GUCY1A2: variants seen among roughly 807,000 people sequenced by gnomAD.
GUCY1A2 encodes the protein guanylate cyclase soluble subunit alpha-2.
GUCY1A2 carries 27 observed loss-of-function variants against 63.5 expected under a neutral mutation model. The observed-to-expected ratio is 0.43, with a 90% CI of 0.31 to 0.59. The LOEUF is 0.59. Among genes scored for constraint, GUCY1A2 ranks in the 20% least tolerant of loss-of-function variants. The pLI is 0.11. For synonymous variants in GUCY1A2, 364 were observed against 343.5 expected (o/e 1.06, Z -0.66); for missense variants, 768 against 913.3 (o/e 0.84, Z 2.05).
intron 5 of GUCY1A2, among the ~76,000 whole-genome samples, chr11:106,777,352 C>G (rs1864375527): frequency 6.7e-6 from 1 of 149,246 alleles, no homozygotes; most frequent in Admixed American, 6.8e-5. Flanking sequence ...GAGGCTGAGG[C>G]AGGAGAATCG....
intron 1 of GUCY1A2, among the ~76,000 whole-genome samples, chr11:106,989,649 T>C (rs921760555): frequency 2.6e-5 from 4 of 151,970 alleles, no homozygotes; most frequent in Admixed American, 1.3e-4. Flanking sequence ...ATCTTCATCA[T>C]CGAAAAAAAA....
chr11:106,957,930 G>A (rs1861011426), intron 3 of GUCY1A2, among the ~76,000 whole-genome samples: 1 of 136,022 alleles, frequency 7.4e-6, no homozygotes, highest in South Asian at 2.4e-4. Flanking sequence ...GAAATTGATG[G>A]AAATCTAAAA....
chr11:106,699,196 A>G (rs1236789347), intron 7 of GUCY1A2, among the ~76,000 whole-genome samples: 1 of 152,210 alleles, frequency 6.6e-6, no homozygotes, highest in South Asian at 2.1e-4. Context: ...ACCTTCAGAA[A>G]GGATTATTAA....
chr11:106,935,860 ATT>A, intron 4 of GUCY1A2, among the ~76,000 whole-genome samples: 1 of 151,368 alleles, frequency 6.6e-6, no homozygotes, highest in African/African-American at 2.4e-5. Context: ...AAAAAAAAAA[ATT>A]AAAAAAAAAA....
At chr11:106,778,914 G>GTGA (rs1236548644) in intron 5 of GUCY1A2, among the ~76,000 whole-genome samples, 1 of 147,522 alleles carries the variant, frequency 6.8e-6, no homozygotes, top group African/African-American at 2.5e-5. Flanking sequence ...ATATGCGTCA[G>GTGA]TGATGGAGAT....
chr11:106,891,505 G>A (rs1859974136), intron 4 of GUCY1A2, among the ~76,000 whole-genome samples: 2 of 151,982 alleles, frequency 1.3e-5, no homozygotes, highest in Non-Finnish European at 2.9e-5. Context: ...TGTTAAAAAT[G>A]TCTTGCTTTT....
At chr11:106,817,053 C>A (rs965176783) in intron 4 of GUCY1A2, among the ~76,000 whole-genome samples, 25 of 151,988 alleles carry the variant, frequency 1.6e-4, no homozygotes, top group African/African-American at 5.8e-4. Flanking sequence ...TCAGTGTCTT[C>A]CAGAAAATAA....
At chr11:106,956,131 C>G (rs972008459) in intron 3 of GUCY1A2, among the ~76,000 whole-genome samples, 4 of 151,746 alleles carry the variant, frequency 2.6e-5, no homozygotes, top group Non-Finnish European at 4.4e-5. Flanking sequence ...TGTTTTTCAG[C>G]TCCATCAGGT....
At chr11:106,957,679 T>C (rs1400013283) in intron 3 of GUCY1A2, among the ~76,000 whole-genome samples, 1 of 151,576 alleles carries the variant, frequency 6.6e-6, no homozygotes, top group Non-Finnish European at 1.5e-5. Flanking sequence ...CATGCTTAGA[T>C]TTTTTTTCCA....
At position 106,685,537 on chromosome 11, in the gene GUCY1A2, C is replaced by G. The variant is rs980600583; in HGVS notation, c.*2012G>C. Reference sequence around the variant, plus strand: ...ACCAACATTTTATTGATTTAATATACCATAATAAGTTCTAAGTTACTGAAG... The same window carrying G: ...ACCAACATTTTATTGATTTAATATAGCATAATAAGTTCTAAGTTACTGAAG... On this transcript the variant is annotated 3_prime_UTR_variant, in exon 8 of 8. Coordinates refer to ENST00000526355, the MANE Select transcript of GUCY1A2 (RefSeq NM_000855.3). 1.3e-5 allele frequency: 3 copies of G among 226,292 alleles called. No homozygotes were observed. Among genetic ancestry groups the G allele is most frequent in the Non-Finnish European group, 8.8e-6 (1 of 113,780 alleles). The allele number at this position is 226,292 out of a possible 1,614,324, so 14.0% of individuals were successfully genotyped here.
intron 4 of GUCY1A2, among the ~76,000 whole-genome samples, chr11:106,865,909 A>G (rs945371580): frequency 2.4e-4 from 36 of 151,512 alleles, no homozygotes; most frequent in Non-Finnish European, 1.2e-4. Context: ...TAATTATATA[A>G]AAATGCATAT....
At chr11:106,721,655 G>C (rs1276551560) in intron 6 of GUCY1A2, among the ~76,000 whole-genome samples, 1 of 152,174 alleles carries the variant, frequency 6.6e-6, no homozygotes, top group Middle Eastern at 3.2e-3. Flanking sequence ...CTCTCAACTG[G>C]AGAAGTGTCT....
intron 6 of GUCY1A2, among the ~76,000 whole-genome samples, chr11:106,769,940 T>C (rs1864227568): frequency 6.6e-6 from 1 of 152,030 alleles, no homozygotes; most frequent in South Asian, 2.1e-4. Context: ...TCTTAGAAAA[T>C]TAATTAGGTT....
intron 6 of GUCY1A2, among the ~76,000 whole-genome samples, chr11:106,730,314 C>G (rs117448397): frequency 6.6e-6 from 1 of 151,500 alleles, no homozygotes; most frequent in African/African-American, 2.4e-5. Flanking sequence ...GTTGTCCCCT[C>G]TGTATGTACA....
intron 4 of GUCY1A2, among the ~76,000 whole-genome samples, chr11:106,856,512 C>T (rs943073823): frequency 2.0e-5 from 3 of 152,006 alleles, no homozygotes; most frequent in African/African-American, 7.3e-5. Flanking sequence ...TCAGTTCTAT[C>T]TGTTTTTAAG....
At chr11:106,695,812 T>C (rs1372703450) in intron 7 of GUCY1A2, among the ~76,000 whole-genome samples, 1 of 152,214 alleles carries the variant, frequency 6.6e-6, no homozygotes, top group African/African-American at 2.4e-5. Flanking sequence ...ACCAAATGTT[T>C]ATGCGTTTTA....
intron 4 of GUCY1A2, among the ~76,000 whole-genome samples, chr11:106,936,943 T>C (rs1406411839): frequency 1.3e-5 from 2 of 152,198 alleles, no homozygotes; most frequent in African/African-American, 4.8e-5. Context: ...CAAAGTCAAA[T>C]TTATCAACAA....
Position 107,017,740 on chromosome 11 carries a change from G to T in GUCY1A2, c.303+13C>A. ...TCCCCCGAAGGCGGTCCCCCCTTCCGCCCCCCGCTCACCGAGGGCGCCGTC... is the reference window on the plus strand; with the variant it reads ...TCCCCCGAAGGCGGTCCCCCCTTCCTCCCCCCGCTCACCGAGGGCGCCGTC... On this transcript the variant is annotated intron_variant, in intron 1 of 7. Coordinates refer to ENST00000526355, the MANE Select transcript of GUCY1A2 (RefSeq NM_000855.3). 1 of 1,371,628 alleles carries T rather than the reference G, an allele frequency of 7.3e-7. No homozygotes were observed. The highest frequency in any genetic ancestry group is 9.4e-7 in the Non-Finnish European group (1 of 1,059,578). 85.0% of individuals were successfully genotyped at this position (1,371,628 alleles called of 1,614,324 possible).
At position 106,774,405 on chromosome 11, in the gene GUCY1A2, CA is replaced by C. The variant is rs1324729211; in HGVS notation, c.1836+2033del. Among the ~76,000 whole-genome samples, 3 of 152,264 alleles carry C rather than the reference CA, an allele frequency of 2.0e-5. No individual in the cohort carries two copies. In the East Asian group the frequency reaches 5.8e-4, roughly 29 times the overall value. ...TCAGCCTCCCTAAGTGCTGGGATTA[CA>C]GACGTAAGCCACCGTGCCCAGGCTG... On this transcript the variant is annotated intron_variant, in intron 6 of 7. Coordinates refer to ENST00000526355, the MANE Select transcript of GUCY1A2 (RefSeq NM_000855.3).
Sources: allele counts gnomAD v4.1 joint callset (sites outside exome capture counted in the v4.1 genomes callset), GRCh38; gene constraint gnomAD v4.1.1; transcripts MANE v1.5; gene names NCBI Gene and HGNC (gene_info 2026-07-23, HGNC 2026-07-21).